KDM4B: variants seen among roughly 807,000 people sequenced by gnomAD.
KDM4B encodes lysine demethylase 4B, also known as lysine-specific demethylase 4B.
Under a neutral mutation model 125.2 loss-of-function variants are expected in KDM4B, and 32 were observed. The ratio of observed to expected loss-of-function variants is 0.26; its 90% confidence interval spans 0.19 to 0.34. The LOEUF is 0.34. KDM4B is among the 10% of genes least tolerant of loss of function. KDM4B has a pLI of 1.00. For missense variants in KDM4B, 1,190 were observed against 1,577.7 expected (o/e 0.75, Z 4.16); for synonymous variants, 721 against 677.9 (o/e 1.06, Z -0.99).
rs553998090 is a variant in KDM4B, at chr19:4,985,151, C to G, written c.-109+15921C>G. On this transcript the variant is annotated intron_variant, in intron 1 of 22. Coordinates refer to ENST00000159111, the MANE Select transcript of KDM4B (RefSeq NM_015015.3). ...CCAGCCTGGCCAACATGGTGAAACC[C>G]CTTCTCTACTAAAAATCCAAAAATT... 2.0e-5 allele frequency among the ~76,000 whole-genome samples: 3 copies of G among 152,224 alleles called. No homozygotes were observed. In the East Asian group the frequency reaches 5.8e-4, roughly 29 times the overall value.
intron 1 of KDM4B, among the ~76,000 whole-genome samples, chr19:5,003,949 G>A (rs2145445840): frequency 6.6e-6 from 1 of 152,266 alleles, no homozygotes; most frequent in East Asian, 1.9e-4. Flanking sequence ...GGCCGCGGTC[G>A]GATGCTCAGC....
At chr19:5,123,122 CTCG>C (rs1168956961) in intron 11 of KDM4B, among the ~76,000 whole-genome samples, 1 of 152,250 alleles carries the variant, frequency 6.6e-6, no homozygotes, top group Admixed American at 6.5e-5. Context: ...TCCTGTCACC[CTCG>C]TCTGCCCTGG....
At chr19:5,061,367 C>G (rs553972966) in intron 6 of KDM4B, among the ~76,000 whole-genome samples, 1 of 152,340 alleles carries the variant, frequency 6.6e-6, no homozygotes, top group South Asian at 2.1e-4. Flanking sequence ...ATTCCATCAT[C>G]TCTTGTCCCG....
At chr19:5,116,831 C>T (rs190002358) in intron 10 of KDM4B, among the ~76,000 whole-genome samples, 27 of 152,258 alleles carry the variant, frequency 1.8e-4, no homozygotes, top group Non-Finnish European at 3.7e-4. Flanking sequence ...CAATGGAAGA[C>T]GGTGGCAGGT....
chr19:5,019,046 G>A (rs2035978866), intron 2 of KDM4B, among the ~76,000 whole-genome samples: 2 of 151,518 alleles, frequency 1.3e-5, no homozygotes, highest in African/African-American at 4.8e-5. Flanking sequence ...GGACGTTGGT[G>A]TGCAGGTGTT....
chr19:5,002,227 ACC>A, intron 1 of KDM4B, among the ~76,000 whole-genome samples: 1 of 152,162 alleles, frequency 6.6e-6, no homozygotes, highest in South Asian at 2.1e-4. Context: ...CAAAATCCTG[ACC>A]TCAGGTGATT....
intron 9 of KDM4B, among the ~76,000 whole-genome samples, chr19:5,102,620 G>T (rs962725809): frequency 6.6e-6 from 1 of 152,186 alleles, no homozygotes; most frequent in Non-Finnish European, 1.5e-5. Flanking sequence ...TGCTGTTGGC[G>T]TTGGGAGGGA....
At chr19:5,054,491 C>T (rs929553576) in intron 6 of KDM4B, among the ~76,000 whole-genome samples, 3 of 151,188 alleles carry the variant, frequency 2.0e-5, no homozygotes, top group Non-Finnish European at 4.4e-5. Flanking sequence ...TGTGTGTGTG[C>T]GCGCGCATGC....
intron 1 of KDM4B, among the ~76,000 whole-genome samples, chr19:5,006,872 C>T (rs985168835): frequency 8.5e-5 from 13 of 152,134 alleles, no homozygotes; most frequent in Admixed American, 3.3e-4. Context: ...CTCCATGTTC[C>T]GCTCTGTGAA....
chr19:4,971,282 C>A lies in KDM4B; in HGVS notation c.-109+2052C>A, dbSNP rs1428122509. On this transcript the variant is annotated intron_variant, in intron 1 of 22. Transcript: ENST00000159111. The surrounding 1 kb of genome is among the most constrained non-coding windows in gnomAD (Gnocchi z 4.1). ...GTACTTTTCTGTCTCGTGGAAGAGA[C>A]CCTTCCTCAGCCTCCTGCCCTGTCT... is the stretch of plus-strand genomic sequence containing the variant. Among the ~76,000 whole-genome samples, 1 of 152,144 alleles carries A rather than the reference C, an allele frequency of 6.6e-6. No individual in the cohort carries two copies. The highest frequency in any genetic ancestry group is 2.4e-5 in the African/African-American group (1 of 41,420).
chr19:5,141,421 C>T lies in KDM4B; in HGVS notation c.2551-2546C>T, dbSNP rs2039740838. Reference sequence around the variant, plus strand: ...AGTGATAAGTCCTCCTGCCCGACGCCTTATGGATCATCTGACATTTCCAGA... The same window carrying T: ...AGTGATAAGTCCTCCTGCCCGACGCTTTATGGATCATCTGACATTTCCAGA... On this transcript the variant is annotated intron_variant, in intron 18 of 22. Transcript: ENST00000159111. The surrounding 1 kb of genome is among the most constrained non-coding windows in gnomAD (Gnocchi z 6.4). 1 of 152,206 alleles carries T rather than the reference C, an allele frequency of 6.6e-6. No homozygotes were observed. Among genetic ancestry groups the T allele is most frequent in the Non-Finnish European group, 1.5e-5 (1 of 68,038 alleles). The allele number at this position is 152,206 out of a possible 1,614,324, so 9.4% of individuals were successfully genotyped here.
At chr19:5,056,750 C>T (rs535001448) in intron 6 of KDM4B, among the ~76,000 whole-genome samples, 1 of 152,232 alleles carries the variant, frequency 6.6e-6, no homozygotes, top group East Asian at 1.9e-4. Flanking sequence ...TTTATCACAT[C>T]TTCGAGACCC....
chr19:5,074,442 G>A (rs2038039319), intron 7 of KDM4B: 1 of 152,254 alleles, frequency 6.6e-6, no homozygotes, highest in African/African-American at 2.4e-5. Context: ...GCTCCAAATG[G>A]GCTCACCGGG....
intron 10 of KDM4B, chr19:5,112,096 T>A: frequency 4.8e-6 from 2 of 418,442 alleles, no homozygotes; most frequent in South Asian, 5.5e-5. Context: ...CTACAAAAAA[T>A]TTAAAAATCA....
chr19:5,137,583 C>T (rs1245018568), intron 16 of KDM4B, 38 bp from the exon 17 acceptor site: 1 of 1,583,706 alleles, frequency 6.3e-7, no homozygotes, highest in Non-Finnish European at 8.6e-7. Flanking sequence ...GGAGCCTGCT[C>T]CGAGCCCTGC....
Position 5,071,300 on chromosome 19 carries a change from C to T in KDM4B, c.676+241C>T, listed in dbSNP as rs1395669156. ...GTGAAATTCGCACAGAATGCCCAGACGCTCCTGTTTTCCAGTTTTCTTAGC... is the reference window on the plus strand; with the variant it reads ...GTGAAATTCGCACAGAATGCCCAGATGCTCCTGTTTTCCAGTTTTCTTAGC... On this transcript the variant is annotated intron_variant, in intron 7 of 22. Transcript: ENST00000159111. 7.9e-5 allele frequency among the ~76,000 whole-genome samples: 12 copies of T among 152,374 alleles called. No homozygotes were observed. The East Asian group carries it at 1.5e-3, about 20-fold the overall frequency.
At chr19:4,980,691 G>A (rs1304925413) in intron 1 of KDM4B, among the ~76,000 whole-genome samples, 1 of 152,152 alleles carries the variant, frequency 6.6e-6, no homozygotes, top group African/African-American at 2.4e-5. Context: ...GCCTCCCAAA[G>A]TGCTGGGATG....
At chr19:5,149,131 C>T (rs957972892) in intron 21 of KDM4B, among the ~76,000 whole-genome samples, 9 of 152,212 alleles carry the variant, frequency 5.9e-5, no homozygotes, top group Admixed American at 2.0e-4. Flanking sequence ...TCACAGGGAC[C>T]GGCAGGCTTG....
intron 6 of KDM4B, among the ~76,000 whole-genome samples, chr19:5,065,965 C>T (rs1357778624): frequency 2.0e-5 from 3 of 152,240 alleles, no homozygotes; most frequent in Non-Finnish European, 4.4e-5. Context: ...GGGGCATCCC[C>T]ACCCTCTGGT....
Sources: gnomAD v4.1 joint callset for allele counts (sites outside exome capture counted in the v4.1 genomes callset) on GRCh38, gnomAD v4.1.1 for gene constraint, Gnocchi (gnomAD v3.1) non-coding constraint, MANE v1.5 for transcripts, NCBI Gene and HGNC (gene_info 2026-07-23, HGNC 2026-07-21) for gene names.